SCAND3: variants seen among roughly 807,000 people sequenced by gnomAD.
SCAND3 encodes the protein SCAN domain containing 3.
the SCAND3 span, chr6:28,573,629 C>T: frequency 1.2e-6 from 2 of 1,612,884 alleles, no homozygotes; most frequent in South Asian, 1.1e-5. Flanking sequence ...GGTTTTAGTA[C>T]TTCACCATCA....
the SCAND3 span, among the ~76,000 whole-genome samples, chr6:28,613,967 C>CT: frequency 0.016 from 2,239 of 143,274 alleles, 17 homozygotes; most frequent in Non-Finnish European, 0.018. Flanking sequence ...CTTTTCTTTT[C>CT]TTTTTTTTTT....
the SCAND3 span, among the ~76,000 whole-genome samples, chr6:28,600,476 T>C: frequency 6.6e-6 from 1 of 151,934 alleles, no homozygotes. Flanking sequence ...CTACTAAAAA[T>C]ACAAAAATTA....
At chr6:28,595,708 G>A in the SCAND3 span, among the ~76,000 whole-genome samples, 3 of 147,666 alleles carry the variant, frequency 2.0e-5, no homozygotes, top group Non-Finnish European at 3.0e-5. Flanking sequence ...GGCAACAAGA[G>A]CGAAACTCCG....
the SCAND3 span, chr6:28,576,136 C>T: frequency 4.5e-6 from 7 of 1,556,240 alleles, no homozygotes; most frequent in South Asian, 8.6e-5. Flanking sequence ...CAAAAATGAC[C>T]CTAAAAACAA....
chr6:28,595,539 T>C, the SCAND3 span, among the ~76,000 whole-genome samples: 1 of 151,656 alleles, frequency 6.6e-6, no homozygotes, highest in African/African-American at 2.4e-5. Context: ...CAGGCCAACA[T>C]GGCGAGACCC....
the SCAND3 span, chr6:28,573,181 A>C: frequency 1.9e-6 from 3 of 1,613,808 alleles, no homozygotes; most frequent in South Asian, 3.3e-5. Flanking sequence ...GCATTCATCA[A>C]GTTGCAATGA....
chr6:28,588,366 C>T, the SCAND3 span, among the ~76,000 whole-genome samples: 1 of 152,212 alleles, frequency 6.6e-6, no homozygotes, highest in African/African-American at 2.4e-5. The surrounding 1 kb of genome is among the most constrained non-coding windows in gnomAD (Gnocchi z 4.1). Context: ...AGGCAGTTAA[C>T]ATGGAGTAAG....
the SCAND3 span, among the ~76,000 whole-genome samples, chr6:28,614,138 T>G: frequency 6.6e-6 from 1 of 151,862 alleles, no homozygotes; most frequent in South Asian, 2.1e-4. Context: ...TGATTTTGTA[T>G]TTTTAGTAGA....
the SCAND3 span, chr6:28,574,601 G>C: frequency 6.5e-7 from 1 of 1,527,374 alleles, no homozygotes; most frequent in Non-Finnish European, 9.0e-7. Context: ...ACTGTAATGA[G>C]ATTCTTCCCC....
At chr6:28,589,861 T>TTG in the SCAND3 span, 1 of 144,782 alleles carries the variant, frequency 6.9e-6, no homozygotes, top group Non-Finnish European at 1.5e-5. Flanking sequence ...TGTTTGTTTT[T>TTG]TTTTTTTTTT....
the SCAND3 span, chr6:28,585,240 C>T: frequency 1.3e-5 from 2 of 152,316 alleles, no homozygotes; most frequent in East Asian, 3.9e-4. Flanking sequence ...CTTTTATACT[C>T]ACTAGCAGAA....
chr6:28,599,776 G>C, the SCAND3 span, among the ~76,000 whole-genome samples: 2 of 152,110 alleles, frequency 1.3e-5, no homozygotes, highest in Non-Finnish European at 2.9e-5. Context: ...GACTAATACA[G>C]TTGTCAAAAT....
At chr6:28,609,204 T>C in the SCAND3 span, among the ~76,000 whole-genome samples, 1 of 152,194 alleles carries the variant, frequency 6.6e-6, no homozygotes, top group Non-Finnish European at 1.5e-5. Context: ...AACTATTGGA[T>C]AGAATGGGAT....
At chr6:28,574,855 A>G in the SCAND3 span, 1 of 1,614,088 alleles carries the variant, frequency 6.2e-7, no homozygotes. Flanking sequence ...ATCACATGAT[A>G]TACAACTATT....
At chr6:28,572,018 G>C in the SCAND3 span, 1 of 1,613,968 alleles carries the variant, frequency 6.2e-7, no homozygotes, top group South Asian at 1.1e-5. The surrounding 1 kb of genome is among the most constrained non-coding windows in gnomAD (Gnocchi z 4.1). Flanking sequence ...CTGTTTCTAT[G>C]TTTTGTTTTA....
At chr6:28,579,156 TCAA>T in the SCAND3 span, 2 of 945,786 alleles carry the variant, frequency 2.1e-6, no homozygotes, top group Non-Finnish European at 3.2e-6. The surrounding 1 kb of genome is among the most constrained non-coding windows in gnomAD (Gnocchi z 4.5). Flanking sequence ...GGCTTTTCCT[TCAA>T]CTATTAATAC....
At chr6:28,577,914 G>A in the SCAND3 span, among the ~76,000 whole-genome samples, 1 of 152,104 alleles carries the variant, frequency 6.6e-6, no homozygotes, top group Non-Finnish European at 1.5e-5. Flanking sequence ...TCAAAATAAT[G>A]TACAGTGTCC....
the SCAND3 span, among the ~76,000 whole-genome samples, chr6:28,608,105 A>G: frequency 4.6e-5 from 7 of 152,318 alleles, 1 homozygote; most frequent in African/African-American, 1.7e-4. Context: ...AAATACTGGA[A>G]TGTGGACAGA....
At chr6:28,604,615 C>CAA in the SCAND3 span, among the ~76,000 whole-genome samples, 8 of 124,450 alleles carry the variant, frequency 6.4e-5, no homozygotes, top group Non-Finnish European at 8.8e-5. Flanking sequence ...GACTCTGTCT[C>CAA]AAAAAAAAAA....
Sources: gnomAD v4.1 joint callset for allele counts (sites outside exome capture counted in the v4.1 genomes callset) on GRCh38, gnomAD v4.1.1 for gene constraint, Gnocchi (gnomAD v3.1) non-coding constraint, MANE v1.5 for transcripts, NCBI Gene and HGNC (gene_info 2026-07-23, HGNC 2026-07-21) for gene names.